COL5A2: variants seen among roughly 807,000 people sequenced by gnomAD.
COL5A2 encodes the protein collagen alpha-2(V) chain.
Under a neutral mutation model 208.2 loss-of-function variants are expected in COL5A2, and 23 were observed. The ratio of observed to expected loss-of-function variants is 0.11; its 90% CI spans 0.08 to 0.16. The LOEUF is 0.16. Ranked by LOEUF, COL5A2 falls within the 10% of genes least tolerant of loss-of-function variation. The probability of loss-of-function intolerance (pLI) is 1.00; values close to 1 mark genes in which losing one functional copy is unlikely to be tolerated. For synonymous variants in COL5A2, 625 were observed against 628.5 expected (o/e 0.99, Z 0.08); for missense variants, 1,590 against 1,956.4 (o/e 0.81, Z 3.53).
chr2:189,065,767 G>T (rs532345507), intron 23 of COL5A2, among the ~76,000 whole-genome samples: 2 of 152,280 alleles, frequency 1.3e-5, no homozygotes, highest in South Asian at 4.1e-4. Context: ...CTGTGCTCCA[G>T]TCACAGCTAC....
At chr2:189,077,106 C>G (rs1686422444) in intron 16 of COL5A2, among the ~76,000 whole-genome samples, 1 of 152,018 alleles carries the variant, frequency 6.6e-6, no homozygotes, top group Non-Finnish European at 1.5e-5. Flanking sequence ...AATCTCAGGT[C>G]CATCTAAAGT....
chr2:189,152,006 G>A (rs753013433), intron 1 of COL5A2, among the ~76,000 whole-genome samples: 5 of 152,200 alleles, frequency 3.3e-5, no homozygotes, highest in Non-Finnish European at 5.9e-5. Context: ...CTGTTTTTGA[G>A]TCAGTAGAGG....
chr2:189,375,454 G>T, the COL5A2 span, among the ~76,000 whole-genome samples: 1 of 152,158 alleles, frequency 6.6e-6, no homozygotes, highest in East Asian at 1.9e-4. Flanking sequence ...TATGGATTCT[G>T]TTTTCTCATC....
intron 38 of COL5A2, 121 bp from the exon 39 acceptor site, chr2:189,053,139 T>G (rs1685827666): frequency 1.1e-6 from 1 of 889,454 alleles, no homozygotes; most frequent in Admixed American, 2.5e-5. Context: ...ATAATCAGTA[T>G]TAAAGCATAC....
chr2:189,045,321 G>A, intron 46 of COL5A2, 89 bp from the exon 47 acceptor site: 3 of 791,658 alleles, frequency 3.8e-6, no homozygotes, highest in Admixed American at 4.3e-5. Context: ...TACGTTTATA[G>A]TTGGATGCAT....
At chr2:189,195,339 C>T (rs190497055) in intron 1 of COL5A2, among the ~76,000 whole-genome samples, 14 of 152,254 alleles carry the variant, frequency 9.2e-5, no homozygotes, top group Non-Finnish European at 1.5e-4. Context: ...GAAAAACATT[C>T]CATCTTCATG....
At chr2:189,266,307 T>C in the COL5A2 span, among the ~76,000 whole-genome samples, 2 of 151,766 alleles carry the variant, frequency 1.3e-5, no homozygotes, top group African/African-American at 4.8e-5. Context: ...GCACCTGTAA[T>C]CCCAGCTACT....
intron 46 of COL5A2, among the ~76,000 whole-genome samples, chr2:189,045,469 T>C (rs1179411024): frequency 6.6e-6 from 1 of 152,178 alleles, no homozygotes; most frequent in East Asian, 1.9e-4. Context: ...TTTTATTCAT[T>C]GACTTCATTG....
At chr2:189,116,781 T>A (rs1456733294) in intron 1 of COL5A2, among the ~76,000 whole-genome samples, 1 of 152,202 alleles carries the variant, frequency 6.6e-6, no homozygotes, top group Non-Finnish European at 1.5e-5. Flanking sequence ...AGGCATTCAA[T>A]AATTATTTGA....
the COL5A2 span, among the ~76,000 whole-genome samples, chr2:189,431,837 A>T: frequency 6.6e-6 from 1 of 152,286 alleles, no homozygotes; most frequent in Admixed American, 6.5e-5. Context: ...AATTCAGGAA[A>T]TATAGAGAAC....
At chr2:189,216,038 T>C (rs888094752) in intron 1 of COL5A2, among the ~76,000 whole-genome samples, 5 of 152,232 alleles carry the variant, frequency 3.3e-5, no homozygotes, top group African/African-American at 1.2e-4. Flanking sequence ...AAACATGCTA[T>C]TGGGCTTTGA....
the COL5A2 span, among the ~76,000 whole-genome samples, chr2:189,261,128 T>C: frequency 1.8e-4 from 27 of 152,166 alleles, no homozygotes; most frequent in Non-Finnish European, 3.2e-4. Context: ...TAAGAATTGC[T>C]TGATGTAACT....
chr2:189,404,729 T>C, the COL5A2 span, among the ~76,000 whole-genome samples: 4 of 152,218 alleles, frequency 2.6e-5, no homozygotes, highest in Admixed American at 6.5e-5. Context: ...TCACAGGTTC[T>C]ATCCCTACTC....
At chr2:189,200,806 T>C (rs973568548) in intron 1 of COL5A2, among the ~76,000 whole-genome samples, 5 of 151,766 alleles carry the variant, frequency 3.3e-5, no homozygotes, top group Non-Finnish European at 4.4e-5. Context: ...AGAAGATCAA[T>C]GGAACACCAC....
Position 189,051,303 on chromosome 2 carries a change from G to C in COL5A2, c.2931+17C>G. ...ATCTCAGTTGAAGGTGGTCTGGAACGGATACGCCAAACTTACAGGTTGCCC... is the reference window on the plus strand; with the variant it reads ...ATCTCAGTTGAAGGTGGTCTGGAACCGATACGCCAAACTTACAGGTTGCCC... On this transcript the variant is annotated intron_variant, in intron 42 of 53. Transcript: ENST00000374866. 2 of 1,613,948 alleles carry C rather than the reference G, an allele frequency of 1.2e-6. No individual in the cohort carries two copies. The highest frequency in any genetic ancestry group is 1.7e-6 in the Non-Finnish European group (2 of 1,179,928).
At chr2:189,303,300 C>A in the COL5A2 span, among the ~76,000 whole-genome samples, 1 of 152,248 alleles carries the variant, frequency 6.6e-6, no homozygotes, top group African/African-American at 2.4e-5. Flanking sequence ...ATTTCTCTTA[C>A]ATTCATTTCT....
At chr2:189,151,628 A>G (rs1229660805) in intron 1 of COL5A2, among the ~76,000 whole-genome samples, 1 of 152,164 alleles carries the variant, frequency 6.6e-6, no homozygotes, top group African/African-American at 2.4e-5. Flanking sequence ...AGGTGTGTTT[A>G]AAATATAAGC....
intron 16 of COL5A2, among the ~76,000 whole-genome samples, chr2:189,076,763 C>T (rs1348333809): frequency 6.6e-6 from 1 of 152,042 alleles, no homozygotes; most frequent in African/African-American, 2.4e-5. Context: ...TGAGATTTGG[C>T]AATAGGATAT....
At chr2:189,091,908 C>G (rs951211825) in intron 7 of COL5A2, among the ~76,000 whole-genome samples, 1 of 152,072 alleles carries the variant, frequency 6.6e-6, no homozygotes, top group Non-Finnish European at 1.5e-5. Context: ...TTCTCATATC[C>G]CTCATCATGG....
Sources: gnomAD v4.1 joint callset for allele counts (sites outside exome capture counted in the v4.1 genomes callset) on GRCh38, gnomAD v4.1.1 for gene constraint, MANE v1.5 for transcripts, NCBI Gene and HGNC (gene_info 2026-07-23, HGNC 2026-07-21) for gene names.